The following MOSPD1 variants were observed in gnomAD, a reference collection of about 807,000 sequenced individuals.
MOSPD1 encodes motile sperm domain containing 1.
MOSPD1 carries 5 observed loss-of-function variants against 16.7 expected under a neutral mutation model. That is an observed-to-expected ratio of 0.30 (90% CI 0.16 to 0.63). The LOEUF is 0.63. MOSPD1 is among the 30% of genes least tolerant of loss of function. The pLI, the probability that MOSPD1 is intolerant of heterozygous loss-of-function variation, is 0.82. For synonymous variants in MOSPD1, 67 were observed against 59.2 expected (o/e 1.13, Z -0.61); for missense variants, 104 against 153.6 (o/e 0.68, Z 1.71).
At chrX:134,890,974 T>C (rs1231337675) in intron 5 of MOSPD1, among the ~76,000 whole-genome samples, 1 of 111,462 alleles carries the variant, frequency 9.0e-6, no homozygotes, top group African/African-American at 3.3e-5. Flanking sequence ...ATTGAAACAA[T>C]TAACTCTAAG....
Position 134,899,518 on chromosome X carries a change from C to T in MOSPD1, c.-85G>A. On this transcript the variant is annotated 5_prime_UTR_variant, in exon 2 of 6. An upstream open reading frame in the 5' UTR gains an earlier in-frame stop. Coordinates refer to ENST00000370783, the MANE Select transcript of MOSPD1 (RefSeq NM_019556.3). The stretch of plus-strand genomic sequence containing the variant: ...TTTTCTTAGATTCAGTTAAAAACTC[C>T]AAAGCATTTTGGCAATCTAGAAATA... 1.0e-6 allele frequency: 1 copy of T among 957,060 alleles called. No individual in the cohort carries two copies. The highest frequency in any genetic ancestry group is 1.4e-6 in the Non-Finnish European group (1 of 719,842). 78.9% of individuals were successfully genotyped at this position (957,060 alleles called of 1,213,427 possible). A position where few individuals can be genotyped will look rare whatever the true frequency, so the allele number is the denominator to read the frequency against.
chrX:134,898,034 AT>A (rs775985153), intron 3 of MOSPD1, among the ~76,000 whole-genome samples: 12 of 104,139 alleles, frequency 1.2e-4, no homozygotes, highest in Admixed American at 3.1e-4. Flanking sequence ...ACGCCCAGCT[AT>A]TTTTTTTTTT....
At chrX:134,912,703 G>A (rs192451558) in intron 1 of MOSPD1, among the ~76,000 whole-genome samples, 21 of 110,007 alleles carry the variant, frequency 1.9e-4, no homozygotes, top group African/African-American at 6.3e-4. Context: ...ACTTTGGGAG[G>A]CTGAGGCGGG....
intron 1 of MOSPD1, among the ~76,000 whole-genome samples, chrX:134,910,181 G>T (rs2082963652): frequency 1.8e-5 from 2 of 111,452 alleles, no homozygotes; most frequent in African/African-American, 6.5e-5. Flanking sequence ...AGGTGGGCAG[G>T]ATCACCTGAG....
At position 134,888,913 on chromosome X, in the gene MOSPD1, A is replaced by G. The variant is rs7062231; in HGVS notation, c.*248T>C. On this transcript the variant is annotated 3_prime_UTR_variant, in exon 6 of 6. Transcript: ENST00000370783. ...TTTTAAAGTTTCTTACACAACAGGT[A>G]TAGATATAAAAAGAATTTCTTCAAA... is the stretch of plus-strand genomic sequence containing the variant. The G allele has an allele frequency of 0.31, 58,213 of 188,987 alleles. 7,337 individuals carry two copies. The highest frequency in any genetic ancestry group is 0.45 in the Middle Eastern group (245 of 543). 15.6% of individuals were successfully genotyped at this position (188,987 alleles called of 1,213,427 possible).
At chrX:134,890,700 C>T (rs750426764) in intron 5 of MOSPD1, among the ~76,000 whole-genome samples, 6 of 110,442 alleles carry the variant, frequency 5.4e-5, no homozygotes, top group Non-Finnish European at 9.5e-5. Flanking sequence ...CCCAGCTACT[C>T]GGGAGGCTGA....
At chrX:134,902,856 AAAAAAAACC>A (rs2148396626) in intron 1 of MOSPD1, among the ~76,000 whole-genome samples, 1 of 109,502 alleles carries the variant, frequency 9.1e-6, no homozygotes, top group Admixed American at 9.8e-5. Flanking sequence ...ATACAAAAAA[AAAAAAAACC>A]AAAAAAAAAC....
At chrX:134,896,427 T>G (rs1383960348) in intron 4 of MOSPD1, among the ~76,000 whole-genome samples, 2 of 111,180 alleles carry the variant, frequency 1.8e-5, no homozygotes, top group Non-Finnish European at 3.8e-5. Flanking sequence ...CTCTCTTCCT[T>G]GGAACTAATT....
intron 1 of MOSPD1, among the ~76,000 whole-genome samples, chrX:134,900,122 C>T (rs2082905284): frequency 8.9e-6 from 1 of 112,381 alleles, no homozygotes; most frequent in Admixed American, 9.5e-5. Flanking sequence ...AGAAGTCTTT[C>T]TCAAATTAAT....
At chrX:134,890,703 G>A (rs2148389760) in intron 5 of MOSPD1, among the ~76,000 whole-genome samples, 1 of 110,980 alleles carries the variant, frequency 9.0e-6, no homozygotes, top group Non-Finnish European at 1.9e-5. Flanking sequence ...AGCTACTCGG[G>A]AGGCTGAGGC....
chrX:134,912,127 C>A, intron 1 of MOSPD1, among the ~76,000 whole-genome samples: 1 of 111,001 alleles, frequency 9.0e-6, no homozygotes, highest in Admixed American at 9.5e-5. Flanking sequence ...CTTGGCTCAC[C>A]GCAACCTCTG....
At position 134,889,068 on chromosome X, in the gene MOSPD1, G is replaced by A. The variant is rs1377861689; in HGVS notation, c.*93C>T. The A allele has an allele frequency of 3.8e-6, 2 of 528,566 alleles. No homozygotes were observed. The allele number at this position is 528,566 out of a possible 1,213,427, so 43.6% of individuals were successfully genotyped here. A position where few individuals can be genotyped will look rare whatever the true frequency, so the allele number is the denominator to read the frequency against. Reference sequence around the variant, plus strand: ...ATTATTTGAAATCATTCAATAGTTTGTTGCATGTTAATGGAGTGAAATAGA... The same window carrying A: ...ATTATTTGAAATCATTCAATAGTTTATTGCATGTTAATGGAGTGAAATAGA... On this transcript the variant is annotated 3_prime_UTR_variant, in exon 6 of 6. Coordinates refer to ENST00000370783, the MANE Select transcript of MOSPD1 (RefSeq NM_019556.3).
At position 134,891,462 on chromosome X, in the gene MOSPD1, A is replaced by C; in HGVS notation, c.610+17T>G. The C allele has an allele frequency of 2.5e-6, 3 of 1,207,312 alleles. No individual in the cohort carries two copies. The highest frequency in any genetic ancestry group is 3.4e-6 in the Non-Finnish European group (3 of 892,660). On this transcript the variant is annotated intron_variant, in intron 5 of 5. Transcript: ENST00000370783. Reference sequence around the variant, plus strand: ...AGCCCTACACATATGTCCCAAATGCATCTTTAAAACCCTTACCTAAGATAT... The same window carrying C: ...AGCCCTACACATATGTCCCAAATGCCTCTTTAAAACCCTTACCTAAGATAT...
chrX:134,912,457 G>A (rs1194788587), intron 1 of MOSPD1, among the ~76,000 whole-genome samples: 1 of 109,680 alleles, frequency 9.1e-6, no homozygotes, highest in Non-Finnish European at 1.9e-5. Flanking sequence ...GAGATTACAG[G>A]TGTGAGCCAC....
Position 134,897,599 on chromosome X carries a change from ATT to A in MOSPD1, c.231-567_231-566del, listed in dbSNP as rs200486988. Among the ~76,000 whole-genome samples the A allele has an allele frequency of 8.4e-4, 83 of 98,234 alleles. 1 individual carries two copies. The highest frequency in any genetic ancestry group is 3.0e-3 in the African/African-American group (80 of 26,403). 85.3% of individuals were successfully genotyped at this position (98,234 alleles called of 115,157 possible). A position where few individuals can be genotyped will look rare whatever the true frequency, so the allele number is the denominator to read the frequency against. ...AAAAAAAATTCTCTTTAGCAATCACATTTTTTTTTTTTCTGGATAACTCAGTG... is the reference window on the plus strand; with the variant it reads ...AAAAAAAATTCTCTTTAGCAATCACATTTTTTTTTTCTGGATAACTCAGTG... On this transcript the variant is annotated intron_variant, in intron 3 of 5. Coordinates refer to ENST00000370783, the MANE Select transcript of MOSPD1 (RefSeq NM_019556.3).
chrX:134,906,174 C>CTTTTTTTTT lies in MOSPD1; in HGVS notation c.-101-6649_-101-6641dup. On this transcript the variant is annotated intron_variant, in intron 1 of 5. Transcript: ENST00000370783. ...TTCCTATCTCTGTTCCCATTTATCA[C>CTTTTTTTTT]TTTTTTTTTTTTTTTTTTTTTTTGA... Among the ~76,000 whole-genome samples the CTTTTTTTTT allele has an allele frequency of 6.0e-4, 34 of 56,645 alleles. 1 individual carries two copies. Among genetic ancestry groups the CTTTTTTTTT allele is most frequent in the Non-Finnish European group, 6.6e-4 (22 of 33,457 alleles). The allele number at this position is 56,645 out of a possible 115,157, so 49.2% of individuals were successfully genotyped here.
intron 1 of MOSPD1, among the ~76,000 whole-genome samples, chrX:134,904,563 G>A (rs757496306): frequency 1.8e-5 from 2 of 111,586 alleles, no homozygotes; most frequent in South Asian, 7.5e-4. Flanking sequence ...GTTGTTAATA[G>A]CAAAAGACTG....
rs1411810906 is a variant in MOSPD1 at position 134,897,020 on chromosome X, CGAT to C, written c.242_244del (p.His81del). 1.7e-6 allele frequency: 2 copies of C among 1,199,154 alleles called. No homozygotes were observed. Among genetic ancestry groups the C allele is most frequent in the Non-Finnish European group, 2.3e-6 (2 of 886,985 alleles). ...ACCATAGTGACAGGATCGAACATCTCGATGACGAATCACACTGAAAACAGCAAA... is the reference window on the plus strand; with the variant it reads ...ACCATAGTGACAGGATCGAACATCTCGACGAATCACACTGAAAACAGCAAA... On this transcript the variant is annotated inframe_deletion, in exon 4 of 6. Transcript: ENST00000370783.
intron 3 of MOSPD1, among the ~76,000 whole-genome samples, chrX:134,897,735 A>C (rs996497273): frequency 9.0e-6 from 1 of 111,223 alleles, no homozygotes; most frequent in Non-Finnish European, 1.9e-5. Flanking sequence ...CTCGCCCTAC[A>C]CTTAAAATTG....
Sources: allele counts gnomAD v4.1 joint callset (sites outside exome capture counted in the v4.1 genomes callset), GRCh38; gene constraint gnomAD v4.1.1; transcripts MANE v1.5; gene names NCBI Gene and HGNC (gene_info 2026-07-23, HGNC 2026-07-21).